KCNT2: variants seen among roughly 807,000 people sequenced by gnomAD.
The protein encoded by KCNT2 is potassium sodium-activated channel subfamily T member 2, also known as potassium channel subfamily T member 2.
In KCNT2, 67 loss-of-function variants were observed where a neutral mutation model predicts 153.8. The observed-to-expected ratio is 0.44, with a 90% confidence interval of 0.36 to 0.53. KCNT2 has a LOEUF of 0.53. KCNT2 is among the 20% of genes least tolerant of loss of function. The probability of loss-of-function intolerance (pLI) is 0.00; values close to 1 mark genes in which losing one functional copy is unlikely to be tolerated. For missense variants in KCNT2, 975 were observed against 1,354.8 expected (o/e 0.72, Z 4.40); for synonymous variants, 500 against 458.8 (o/e 1.09, Z -1.15).
chr1:196,237,100 C>G (rs549006062), intron 26 of KCNT2, among the ~76,000 whole-genome samples: 1 of 151,674 alleles, frequency 6.6e-6, no homozygotes, highest in Admixed American at 6.6e-5. Context: ...GGTTTCATAC[C>G]AATACCTATA....
intron 12 of KCNT2, among the ~76,000 whole-genome samples, chr1:196,422,433 A>C (rs1673294715): frequency 6.6e-6 from 1 of 151,922 alleles, no homozygotes; most frequent in Non-Finnish European, 1.5e-5. Context: ...ATAATGAAGC[A>C]CTTAAAAAAA....
chr1:196,324,244 A>C (rs1663624133), intron 19 of KCNT2, among the ~76,000 whole-genome samples: 1 of 152,010 alleles, frequency 6.6e-6, no homozygotes. Flanking sequence ...GGGAACTTTT[A>C]ATGCAAAAAT....
chr1:196,302,184 A>G (rs1446717606), intron 22 of KCNT2, among the ~76,000 whole-genome samples: 1 of 152,202 alleles, frequency 6.6e-6, no homozygotes, highest in Non-Finnish European at 1.5e-5. Context: ...AACAGTAACT[A>G]TAGAAAATGC....
intron 1 of KCNT2, among the ~76,000 whole-genome samples, chr1:196,499,474 G>C (rs1293474170): frequency 6.6e-6 from 1 of 152,224 alleles, no homozygotes; most frequent in Non-Finnish European, 1.5e-5. Context: ...GGACATTAAA[G>C]ATTAAGAGAT....
At position 196,342,211 on chromosome 1, in the gene KCNT2, G is replaced by A. The variant is rs369284823; in HGVS notation, c.1421C>T (p.Pro474Leu). ...TSRGQEGQQS[P>L]EQWQKMYGRC... ...ACCGTACATCTTCTGCCATTGTTCT[G>A]GCGATTGCTGGCCTTCTCTGCAACA... Residue 474 changes from proline (P) to leucine (L), a missense_variant, in exon 15 of 28, where the codon CCA (proline) becomes CTA (leucine). Transcript: ENST00000294725. The A allele has an allele frequency of 1.2e-5, 20 of 1,610,924 alleles. No homozygotes were observed. The highest frequency in any genetic ancestry group is 1.6e-5 in the Non-Finnish European group (19 of 1,178,800).
chr1:196,481,739 C>T (rs1679037692), intron 4 of KCNT2, among the ~76,000 whole-genome samples: 1 of 152,158 alleles, frequency 6.6e-6, no homozygotes, highest in Non-Finnish European at 1.5e-5. Flanking sequence ...GTAACGGAGA[C>T]TCTAGGGAAC....
rs1671154535 is a variant in KCNT2, at chr1:196,398,656, A to G, written c.1201T>C (p.Leu401=). The G allele has an allele frequency of 6.3e-7, 1 of 1,598,748 alleles. No homozygotes were observed. ...DRTSSDHQTI[L]RAWAVKDFAP... ...AAATCTTTCACAGCCCATGCTCTCA[A>G]AATTGTTTGGTGATCCTGAAGTGAT... Residue 401 remains leucine, a synonymous_variant, in exon 13 of 28, where the codon TTG becomes CTG. Transcript: ENST00000294725.
In KCNT2 at chr1:196,342,185, T is replaced by C. The variant is rs759152347; in HGVS notation, c.1447A>G (p.Arg483Gly). The C allele has an allele frequency of 3.1e-6, 5 of 1,611,662 alleles. No individual in the cohort carries two copies. The highest frequency in any genetic ancestry group is 4.2e-6 in the Non-Finnish European group (5 of 1,179,018). Reference sequence around the variant, plus strand: ...TGGTAGACTTCATTCCCGGAGCATCTACCGTACATCTTCTGCCATTGTTCT... The same window carrying C: ...TGGTAGACTTCATTCCCGGAGCATCCACCGTACATCTTCTGCCATTGTTCT... ...SPEQWQKMYGRCSGNEVYHIV... is the reference protein window; with the variant it reads ...SPEQWQKMYGGCSGNEVYHIV... The change falls in exon 15 of 28, where the codon AGA (arginine) becomes GGA (glycine). Residue 483 changes from arginine to glycine, a missense_variant. Coordinates refer to ENST00000294725, the MANE Select transcript of KCNT2 (RefSeq NM_198503.5).
At chr1:196,335,889 T>C (rs941514645) in intron 16 of KCNT2, among the ~76,000 whole-genome samples, 5 of 152,170 alleles carry the variant, frequency 3.3e-5, no homozygotes, top group African/African-American at 1.2e-4. Flanking sequence ...TACCAGAGTT[T>C]GTCTCTCTCA....
intron 4 of KCNT2, among the ~76,000 whole-genome samples, chr1:196,481,990 T>C (rs1435270785): frequency 1.3e-5 from 2 of 152,182 alleles, no homozygotes; most frequent in African/African-American, 2.4e-5. Flanking sequence ...CAAACACAGT[T>C]ATAGGCTTTG....
At chr1:196,313,151 C>A (rs542815126) in intron 21 of KCNT2, among the ~76,000 whole-genome samples, 1 of 151,546 alleles carries the variant, frequency 6.6e-6, no homozygotes, top group African/African-American at 2.4e-5. Context: ...AGGGAAAAAG[C>A]CCTCAGGTGA....
chr1:196,318,914 A>C (rs1014338660), intron 20 of KCNT2, among the ~76,000 whole-genome samples: 1 of 151,678 alleles, frequency 6.6e-6, no homozygotes, highest in African/African-American at 2.4e-5. Context: ...TAGCGTTTTG[A>C]TCTTTTATTT....
intron 12 of KCNT2, among the ~76,000 whole-genome samples, chr1:196,416,339 T>C (rs1440938489): frequency 6.6e-6 from 1 of 152,066 alleles, no homozygotes; most frequent in Admixed American, 6.6e-5. Context: ...AAGAAAAATA[T>C]CTTAGCTGAG....
intron 13 of KCNT2, among the ~76,000 whole-genome samples, chr1:196,392,717 CA>C (rs1432677728): frequency 6.6e-6 from 1 of 151,236 alleles, no homozygotes; most frequent in Non-Finnish European, 1.5e-5. Context: ...CTAAGCTGAG[CA>C]AAACCTTCAT....
intron 21 of KCNT2, among the ~76,000 whole-genome samples, chr1:196,315,523 G>T (rs575692310): frequency 6.6e-6 from 1 of 151,612 alleles, no homozygotes; most frequent in African/African-American, 2.4e-5. Flanking sequence ...TTCAGTCCTA[G>T]CTATTCAGTA....
chr1:196,263,497 G>T (rs1319255416), intron 25 of KCNT2, among the ~76,000 whole-genome samples: 1 of 152,118 alleles, frequency 6.6e-6, no homozygotes, highest in African/African-American at 2.4e-5. Flanking sequence ...AGGGTGGGGG[G>T]CTAGGGGAGG....
chr1:196,271,981 T>G (rs1658103562), intron 25 of KCNT2, among the ~76,000 whole-genome samples: 1 of 151,976 alleles, frequency 6.6e-6, no homozygotes, highest in Non-Finnish European at 1.5e-5. Flanking sequence ...ATTACTTGCT[T>G]TTAACACTGA....
At chr1:196,266,598 T>C (rs1657564446) in intron 25 of KCNT2, among the ~76,000 whole-genome samples, 1 of 152,204 alleles carries the variant, frequency 6.6e-6, no homozygotes, top group South Asian at 2.1e-4. Flanking sequence ...GTCTTCTCAA[T>C]ATAAGTAGTT....
chr1:196,522,273 GGT>G (rs1394942630), intron 1 of KCNT2, among the ~76,000 whole-genome samples: 3 of 152,082 alleles, frequency 2.0e-5, no homozygotes, highest in Non-Finnish European at 1.5e-5. Context: ...ATTTAGTTTA[GGT>G]GTCCATAAAT....
Sources: gnomAD v4.1 joint callset for allele counts (sites outside exome capture counted in the v4.1 genomes callset) on GRCh38, gnomAD v4.1.1 for gene constraint, MANE v1.5 for transcripts, NCBI Gene and HGNC (gene_info 2026-07-23, HGNC 2026-07-21) for gene names.